The following PACC1 variants were observed in gnomAD, a reference collection of about 807,000 sequenced individuals.
PACC1 encodes proton-activated chloride channel.
PACC1 carries 34 observed loss-of-function variants against 39.7 expected under a neutral mutation model. The observed-to-expected ratio is 0.86, with a 90% CI of 0.65 to 1.14. The LOEUF is 1.14. Among genes scored for constraint, PACC1 ranks in the 50% most tolerant of loss-of-function variants. The pLI, the probability that PACC1 is intolerant of heterozygous loss-of-function variation, is 0.00. For synonymous variants in PACC1, 127 were observed against 160.6 expected, an observed-to-expected ratio of 0.79 and a Z score of 1.58; for missense variants, 379 against 436.4, an observed-to-expected ratio of 0.87 and a Z score of 1.17.
intron 1 of PACC1, among the ~76,000 whole-genome samples, chr1:212,411,709 T>A (rs1228248269): frequency 2.6e-5 from 4 of 152,250 alleles, no homozygotes; most frequent in Non-Finnish European, 5.9e-5. Context: ...ACATTTTCAT[T>A]AAAAACTCAC....
At position 212,363,990 on chromosome 1, in the gene PACC1, C is replaced by G. The variant is rs937506453; in HGVS notation, c.*1225G>C. ...AAACAGTTTCTTCCCATTTAAAATG[C>G]CTATTCATACATTTGAGTTATTCCC... On this transcript the variant is annotated 3_prime_UTR_variant, in exon 8 of 8. Coordinates refer to ENST00000261455, the MANE Select transcript of PACC1 (RefSeq NM_018252.3). 2.0e-5 allele frequency: 3 copies of G among 152,184 alleles called. No individual in the cohort carries two copies. The highest frequency in any genetic ancestry group is 3.2e-3 in the Middle Eastern group (1 of 316). The allele number at this position is 152,184 out of a possible 1,614,324, so 9.4% of individuals were successfully genotyped here.
chr1:212,370,004 A>G (rs1162828096), intron 7 of PACC1, among the ~76,000 whole-genome samples: 2 of 152,210 alleles, frequency 1.3e-5, no homozygotes, highest in African/African-American at 4.8e-5. Context: ...AACCACATAT[A>G]TAAAGCAAAT....
rs746082257 is a variant in PACC1 at position 212,379,937 on chromosome 1, A to G, written c.596T>C (p.Ile199Thr). 1.9e-6 allele frequency: 3 copies of G among 1,614,072 alleles called. No homozygotes were observed. The highest frequency in any genetic ancestry group is 1.3e-5 in the African/African-American group (1 of 74,924). ...GAAAGAAGAGAAGAGGAGGTAATCA[A>G]TGGCGCTGAAGTCCTCACTACTCTT... ...LNKSSEDFSA[I>T]DYLLFSSFQE... Residue 199 changes from isoleucine (I) to threonine (T), a missense_variant, in exon 5 of 8, where the codon ATT (isoleucine) becomes ACT (threonine). Ile to Thr is a moderately conservative substitution (Grantham distance 89). Coordinates refer to ENST00000261455, the MANE Select transcript of PACC1 (RefSeq NM_018252.3).
intron 5 of PACC1, among the ~76,000 whole-genome samples, chr1:212,378,952 CTTT>C (rs141994711): frequency 1.4e-5 from 2 of 143,350 alleles, no homozygotes; most frequent in Non-Finnish European, 1.5e-5. Context: ...TTATGATTTC[CTTT>C]TTTTTTTTTT....
chr1:212,394,167 A>G (rs1029395647), intron 2 of PACC1, among the ~76,000 whole-genome samples: 1 of 152,258 alleles, frequency 6.6e-6, no homozygotes, highest in Non-Finnish European at 1.5e-5. Context: ...TCCCTGATGA[A>G]CATCGACGCA....
chr1:212,375,146 A>G, intron 7 of PACC1, 47 bp downstream of exon 7: 2 of 1,416,100 alleles, frequency 1.4e-6, no homozygotes, highest in Non-Finnish European at 2.0e-6. Context: ...ATCTTAAATA[A>G]TACTATCATA....
chr1:212,380,117 TGGAAA>T, intron 4 of PACC1, 80 bp from the exon 5 acceptor site: 1 of 1,483,456 alleles, frequency 6.7e-7, no homozygotes, highest in Non-Finnish European at 9.2e-7. Context: ...AAGTACTGAC[TGGAAA>T]GCCCATAGCT....
At chr1:212,366,602 T>C (rs1242631952) in intron 7 of PACC1, among the ~76,000 whole-genome samples, 1 of 152,190 alleles carries the variant, frequency 6.6e-6, no homozygotes, top group African/African-American at 2.4e-5. Context: ...GTGACCTTAG[T>C]ATGCATTTCA....
Position 212,377,569 on chromosome 1 carries a change from C to T in PACC1, c.776G>A (p.Arg259Gln), listed in dbSNP as rs777902089. The change falls in exon 6 of 8, where the codon CGG becomes CAG. Residue 259 changes from arginine (R) to glutamine (Q), a missense_variant. By Grantham distance (43) the Arg-to-Gln change is conservative. Transcript: ENST00000261455. ...EEDGREAVEF[R>Q]QETSVVNYID... ...AAACCCAGAGCCACCTACCTCCTGC[C>T]GGAACTCCACTGCTTCCCGCCCATC... 1.8e-5 allele frequency: 29 copies of T among 1,613,936 alleles called. No individual in the cohort carries two copies. The highest frequency in any genetic ancestry group is 4.5e-5 in the East Asian group (2 of 44,892).
intron 4 of PACC1, among the ~76,000 whole-genome samples, chr1:212,381,854 T>C (rs1345594698): frequency 1.3e-5 from 2 of 151,498 alleles, no homozygotes; most frequent in Non-Finnish European, 2.9e-5. Context: ...ACAAAAGTCA[T>C]GGCTGGACTA....
intron 4 of PACC1, 52 bp downstream of exon 4, chr1:212,385,222 G>A: frequency 6.2e-7 from 1 of 1,607,740 alleles, no homozygotes; most frequent in Non-Finnish European, 8.5e-7. Flanking sequence ...GCCTTGGGTT[G>A]CGGGGCTAAC....
intron 2 of PACC1, among the ~76,000 whole-genome samples, chr1:212,407,819 A>G (rs1295084210): frequency 6.6e-6 from 1 of 152,194 alleles, no homozygotes; most frequent in Non-Finnish European, 1.5e-5. Context: ...CCACGCCTGT[A>G]ATCCCAGCAC....
At chr1:212,409,385 A>T (rs764445917) in intron 2 of PACC1, among the ~76,000 whole-genome samples, 3 of 152,238 alleles carry the variant, frequency 2.0e-5, no homozygotes, top group Non-Finnish European at 4.4e-5. Flanking sequence ...AAGAATGATT[A>T]GGCATTAACT....
intron 6 of PACC1, among the ~76,000 whole-genome samples, 192 bp from the exon 7 acceptor site, chr1:212,375,492 T>C (rs1660613855): frequency 6.6e-6 from 1 of 152,220 alleles, no homozygotes; most frequent in Admixed American, 6.5e-5. Flanking sequence ...AGGCTTTACC[T>C]TGGTTTCCAC....
chr1:212,378,920 T>C (rs1479489213), intron 5 of PACC1, among the ~76,000 whole-genome samples: 9 of 151,966 alleles, frequency 5.9e-5, no homozygotes, highest in African/African-American at 1.9e-4. Flanking sequence ...ACTGAATGAA[T>C]AGTAAGTATA....
At chr1:212,402,072 C>T (rs1571674707) in intron 2 of PACC1, among the ~76,000 whole-genome samples, 1 of 152,184 alleles carries the variant, frequency 6.6e-6, no homozygotes, top group Non-Finnish European at 1.5e-5. Context: ...CTTATTTCCA[C>T]TTTTTGACTA....
At chr1:212,378,899 T>C (rs1660766477) in intron 5 of PACC1, among the ~76,000 whole-genome samples, 1 of 151,902 alleles carries the variant, frequency 6.6e-6, no homozygotes, top group Non-Finnish European at 1.5e-5. Context: ...GCCTTTACAA[T>C]GATCACTTCC....
intron 2 of PACC1, among the ~76,000 whole-genome samples, chr1:212,402,759 A>T (rs906897866): frequency 5.3e-5 from 8 of 152,122 alleles, no homozygotes; most frequent in Admixed American, 5.2e-4. Flanking sequence ...GGTTCAAGCA[A>T]TTCTCCTGCC....
chr1:212,376,763 G>A (rs1380242119), intron 6 of PACC1: 1 of 152,168 alleles, frequency 6.6e-6, no homozygotes, highest in Non-Finnish European at 1.5e-5. Flanking sequence ...GAGGAGCTAG[G>A]GCTCATGACA....
Sources: gnomAD v4.1 joint callset for allele counts (sites outside exome capture counted in the v4.1 genomes callset) on GRCh38, gnomAD v4.1.1 for gene constraint, MANE v1.5 for transcripts, NCBI Gene and HGNC (gene_info 2026-07-23, HGNC 2026-07-21) for gene names.